Variants in PLEKHA7 observed in about 807,000 individuals in gnomAD.
PLEKHA7 encodes pleckstrin homology domain-containing family A member 7.
PLEKHA7 carries 104 observed loss-of-function variants against 170.0 expected under a neutral mutation model. The observed-to-expected ratio is 0.61, with a 90% CI of 0.52 to 0.72. PLEKHA7 has a LOEUF of 0.72. Ranked by LOEUF, PLEKHA7 falls within the 30% of genes least tolerant of loss-of-function variation. The pLI is 0.00. For synonymous variants in PLEKHA7, 648 were observed against 660.8 expected (o/e 0.98, Z 0.30); for missense variants, 1,615 against 1,671.7 (o/e 0.97, Z 0.59).
intron 4 of PLEKHA7, among the ~76,000 whole-genome samples, chr11:16,858,522 C>T (rs1020196225): frequency 2.0e-5 from 3 of 146,504 alleles, no homozygotes; most frequent in Admixed American, 6.9e-5. Flanking sequence ...GACGGAGTTT[C>T]GCTCTTGTTG....
chr11:16,809,403 G>A (rs957439384), intron 13 of PLEKHA7, among the ~76,000 whole-genome samples: 9 of 152,144 alleles, frequency 5.9e-5, no homozygotes, highest in African/African-American at 2.2e-4. Context: ...GAGGGGAGAG[G>A]TCAGCAGATC....
chr11:16,799,011 A>G (rs1848417216), intron 17 of PLEKHA7, among the ~76,000 whole-genome samples: 1 of 152,220 alleles, frequency 6.6e-6, no homozygotes, highest in Non-Finnish European at 1.5e-5. Context: ...GCTGCCCAAT[A>G]CACCTTTCTG....
chr11:16,829,037 C>G (rs1444542436), intron 9 of PLEKHA7, among the ~76,000 whole-genome samples: 2 of 151,790 alleles, frequency 1.3e-5, no homozygotes, highest in Non-Finnish European at 1.5e-5. Context: ...GCGTCTTGCT[C>G]TCTCACCCAG....
chr11:16,957,689 A>ATATTTTTTT, intron 3 of PLEKHA7, among the ~76,000 whole-genome samples: 1 of 118,226 alleles, frequency 8.5e-6, no homozygotes, highest in Non-Finnish European at 1.8e-5. Flanking sequence ...TACCTCAATA[A>ATATTTTTTT]TTTTTTTCTT....
intron 9 of PLEKHA7, among the ~76,000 whole-genome samples, chr11:16,830,066 C>T (rs1176094610): frequency 6.6e-6 from 1 of 152,086 alleles, no homozygotes; most frequent in African/African-American, 2.4e-5. Flanking sequence ...GCAGCCTCAA[C>T]CTCCTGGGAT....
chr11:16,999,945 C>T (rs1321665244), intron 3 of PLEKHA7, among the ~76,000 whole-genome samples: 1 of 152,170 alleles, frequency 6.6e-6, no homozygotes, highest in Non-Finnish European at 1.5e-5. Context: ...AATACAGACA[C>T]CAGGGTTACT....
At chr11:16,957,235 A>G (rs1399678156) in intron 3 of PLEKHA7, among the ~76,000 whole-genome samples, 1 of 152,258 alleles carries the variant, frequency 6.6e-6, no homozygotes, top group Non-Finnish European at 1.5e-5. Context: ...AGGCATACAG[A>G]TGTTCAACAC....
intron 3 of PLEKHA7, among the ~76,000 whole-genome samples, chr11:16,982,024 T>C (rs1863459873): frequency 6.6e-6 from 1 of 152,082 alleles, no homozygotes; most frequent in African/African-American, 2.4e-5. Context: ...CAGACGGTGG[T>C]GAGAGGACAC....
At chr11:16,809,948 C>T (rs921701718) in intron 13 of PLEKHA7, among the ~76,000 whole-genome samples, 2 of 140,094 alleles carry the variant, frequency 1.4e-5, no homozygotes, top group African/African-American at 2.7e-5. Context: ...CCTTTCTCCA[C>T]CCAGTGTGTC....
At chr11:16,904,731 ATTAT>A (rs1352312269) in intron 3 of PLEKHA7, among the ~76,000 whole-genome samples, 1 of 152,240 alleles carries the variant, frequency 6.6e-6, no homozygotes, top group Non-Finnish European at 1.5e-5. Flanking sequence ...TTTGCTATCC[ATTAT>A]TTAAGAATAA....
intron 3 of PLEKHA7, among the ~76,000 whole-genome samples, chr11:16,906,585 G>A (rs1590566029): frequency 7.2e-6 from 1 of 138,788 alleles, no homozygotes; most frequent in Non-Finnish European, 1.5e-5. Context: ...GGCCTCCCGA[G>A]GTGCCGGGAT....
At chr11:16,842,918 A>C (rs1201507030) in intron 8 of PLEKHA7, among the ~76,000 whole-genome samples, 1 of 152,218 alleles carries the variant, frequency 6.6e-6, no homozygotes, top group East Asian at 1.9e-4. Context: ...CTGAGATGTT[A>C]AGTAACTTTC....
intron 3 of PLEKHA7, among the ~76,000 whole-genome samples, chr11:16,966,302 G>A (rs183620527): frequency 1.4e-4 from 6 of 42,928 alleles, no homozygotes; most frequent in African/African-American, 2.8e-4. Flanking sequence ...GTGTGTGTGT[G>A]TGTGTGTGTG....
intron 23 of PLEKHA7, chr11:16,787,238 C>G (rs1849459981): frequency 1.0e-6 from 1 of 985,280 alleles, no homozygotes; most frequent in South Asian, 4.7e-5. Context: ...CTCTCTTCCC[C>G]TGAGCAAAAC....
At chr11:16,927,228 CA>C (rs1234409296) in intron 3 of PLEKHA7, among the ~76,000 whole-genome samples, 1 of 152,152 alleles carries the variant, frequency 6.6e-6, no homozygotes, top group Non-Finnish European at 1.5e-5. Flanking sequence ...ATTGTTTCTC[CA>C]TATATTTTTT....
At chr11:16,886,017 GAAAGA>G (rs1037472565) in intron 3 of PLEKHA7, among the ~76,000 whole-genome samples, 2 of 150,042 alleles carry the variant, frequency 1.3e-5, no homozygotes, top group Non-Finnish European at 3.0e-5. Flanking sequence ...AAAAAAGAAA[GAAAGA>G]AAAGGTAAAC....
intron 3 of PLEKHA7, among the ~76,000 whole-genome samples, chr11:17,004,139 A>G (rs978281419): frequency 1.1e-4 from 17 of 152,248 alleles, no homozygotes; most frequent in African/African-American, 3.6e-4. Flanking sequence ...AGAAAGGATT[A>G]CATAATAAAT....
intron 4 of PLEKHA7, among the ~76,000 whole-genome samples, chr11:16,857,872 C>A (rs1225423367): frequency 6.6e-6 from 1 of 152,220 alleles, no homozygotes; most frequent in African/African-American, 2.4e-5. Flanking sequence ...GCGCTTGCCA[C>A]CAAGCCCAGC....
At chr11:16,923,091 C>T (rs866091849) in intron 3 of PLEKHA7, among the ~76,000 whole-genome samples, 11 of 152,188 alleles carry the variant, frequency 7.2e-5, no homozygotes, top group Admixed American at 1.3e-4. Context: ...CTGATGCCCT[C>T]TCACTCTCAG....
Sources: allele counts gnomAD v4.1 joint callset (sites outside exome capture counted in the v4.1 genomes callset), GRCh38; gene constraint gnomAD v4.1.1; transcripts MANE v1.5; gene names NCBI Gene and HGNC (gene_info 2026-07-23, HGNC 2026-07-21).